Variants in USP2 observed in about 807,000 individuals in gnomAD.
USP2 encodes the protein ubiquitin specific peptidase 2.
Under a neutral mutation model 72.0 loss-of-function variants are expected in USP2, and 33 were observed. That is an observed-to-expected ratio of 0.46 (90% CI 0.35 to 0.61). The LOEUF (loss-of-function observed/expected upper bound fraction) is 0.61, where lower values mean the gene tolerates loss of function less well. Among genes scored for constraint, USP2 ranks in the 20% least tolerant of loss-of-function variants. The pLI is 0.01. For missense variants in USP2, 691 were observed against 797.8 expected, an observed-to-expected ratio of 0.87 and a Z score of 1.61; for synonymous variants, 296 against 312.5, an observed-to-expected ratio of 0.95 and a Z score of 0.56.
At chr11:119,358,098 A>G in intron 8 of USP2, 37 bp from the exon 9 acceptor site, 1 of 1,614,196 alleles carries the variant, frequency 6.2e-7, no homozygotes, top group Non-Finnish European at 8.5e-7. Flanking sequence ...AGAGGTCAAC[A>G]TGAAAGGACA....
At chr11:119,363,719 C>T in intron 2 of USP2, 1 of 644,424 alleles carries the variant, frequency 1.6e-6, no homozygotes, top group Non-Finnish European at 2.3e-6. Flanking sequence ...GCCAGGAGAC[C>T]CTGGGAAAGG....
intron 2 of USP2, among the ~76,000 whole-genome samples, chr11:119,367,195 A>G (rs1019381997): frequency 2.6e-5 from 4 of 152,126 alleles, no homozygotes; most frequent in African/African-American, 7.2e-5. Flanking sequence ...CAAATACACA[A>G]AGCTAAACTG....
In USP2 at chr11:119,381,670, G is replaced by T. The variant is rs1951060678; in HGVS notation, c.-239C>A. On this transcript the variant is annotated 5_prime_UTR_variant, in exon 1 of 13. Coordinates refer to ENST00000260187, the MANE Select transcript of USP2 (RefSeq NM_004205.5). Reference sequence around the variant, plus strand: ...CCCGGGAAATCGGCGCCACCCAGCGGGCAGCCGCCTCATCGCGCCTGGGCC... The same window carrying T: ...CCCGGGAAATCGGCGCCACCCAGCGTGCAGCCGCCTCATCGCGCCTGGGCC... 14 of 969,228 alleles carry T rather than the reference G, an allele frequency of 1.4e-5. No individual in the cohort carries two copies. Among genetic ancestry groups the T allele is most frequent in the Non-Finnish European group, 2.0e-5 (13 of 638,572 alleles). The allele number at this position is 969,228 out of a possible 1,614,324, so 60.0% of individuals were successfully genotyped here.
intron 1 of USP2, among the ~76,000 whole-genome samples, chr11:119,377,481 AAAGTG>A (rs1951016240): frequency 6.6e-6 from 1 of 152,190 alleles, no homozygotes; most frequent in African/African-American, 2.4e-5. Context: ...CAGGTGAATG[AAAGTG>A]AAGCCAGGTG....
intron 6 of USP2, 33 bp downstream of exon 6, chr11:119,358,991 T>C: frequency 6.2e-7 from 1 of 1,610,032 alleles, no homozygotes. Context: ...TCACAAAAGT[T>C]TTGCTTTCCC....
chr11:119,361,764 C>A (rs1460424287), intron 2 of USP2, among the ~76,000 whole-genome samples: 1 of 152,060 alleles, frequency 6.6e-6, no homozygotes, highest in Non-Finnish European at 1.5e-5. Context: ...AGAAAAGAGA[C>A]CCAGTTTAAA....
At chr11:119,377,060 G>T (rs1184063414) in intron 1 of USP2, among the ~76,000 whole-genome samples, 1 of 152,186 alleles carries the variant, frequency 6.6e-6, no homozygotes, top group African/African-American at 2.4e-5. Flanking sequence ...ACTTTCAAAT[G>T]AAGTTTTTAG....
chr11:119,357,864 T>C (rs756166063), intron 9 of USP2, 29 bp from the exon 10 acceptor site: 15 of 1,613,910 alleles, frequency 9.3e-6, no homozygotes, highest in East Asian at 2.2e-5. Flanking sequence ...AGAAAGAACT[T>C]GTGGGGAAGT....
chr11:119,359,704 A>G, intron 3 of USP2, 44 bp from the exon 4 acceptor site: 6 of 1,603,470 alleles, frequency 3.7e-6, no homozygotes, highest in Non-Finnish European at 5.1e-6. Flanking sequence ...CGAGAGTCCC[A>G]CCTTCACCTG....
Position 119,358,250 on chromosome 11 carries a change from G to T in USP2, c.1240C>A (p.Leu414Ile). The change falls in exon 8 of 13, where the codon CTC (leucine) becomes ATC (isoleucine). Residue 414 changes from leucine to isoleucine, a missense_variant and splice_region_variant. Leu to Ile is a conservative substitution (Grantham distance 5). Transcript: ENST00000260187. ...LEREDSRIGD[L>I]FVGQLKSSLT... ...GAGCTCTTTAGCTGCCCAACAAAGA[G>T]ATCTGGGGAAGAGAAGGCCATGAGA... 1 of 1,612,968 alleles carries T rather than the reference G, an allele frequency of 6.2e-7. No individual in the cohort carries two copies. The highest frequency in any genetic ancestry group is 8.5e-7 in the Non-Finnish European group (1 of 1,179,970).
rs540483562 is a variant in USP2 at position 119,364,122 on chromosome 11, G to A, written c.775-3888C>T. 2,704 of 1,223,338 alleles carry A rather than the reference G, an allele frequency of 2.2e-3. 62 individuals are homozygous for A. The African/African-American group carries it at 0.038, about 17-fold the overall frequency. The allele number at this position is 1,223,338 out of a possible 1,614,324, so 75.8% of individuals were successfully genotyped here. A position where few individuals can be genotyped will look rare whatever the true frequency, so the allele number is the denominator to read the frequency against. On this transcript the variant is annotated intron_variant, in intron 2 of 12. Transcript: ENST00000260187. Reference sequence around the variant, plus strand: ...GAGACCGCTACAGGACAGCGTCCGCGGCGCCCGAACGCGCGCTCCTCCGCC... The same window carrying A: ...GAGACCGCTACAGGACAGCGTCCGCAGCGCCCGAACGCGCGCTCCTCCGCC...
intron 2 of USP2, among the ~76,000 whole-genome samples, chr11:119,363,281 G>A (rs1169773799): frequency 4.6e-5 from 7 of 152,258 alleles, no homozygotes; most frequent in Admixed American, 4.6e-4. Flanking sequence ...CTTCCGCGGA[G>A]GGACCCGCTG....
rs767743764 is a variant in USP2 at position 119,359,583 on chromosome 11, C to A, written c.903G>T (p.Met301Ile). 6.2e-7 allele frequency: 1 copy of A among 1,614,006 alleles called. No individual in the cohort carries two copies. The highest frequency in any genetic ancestry group is 8.5e-7 in the Non-Finnish European group (1 of 1,180,012). The change falls in exon 4 of 13, where the codon ATG becomes ATT. Residue 301 changes from methionine (M) to isoleucine (I), a missense_variant. Met to Ile is a conservative substitution (Grantham distance 10, BLOSUM62 1). Transcript: ENST00000260187. ...CATTGCTGCCGTGGTGCAGGTCCCG[C>A]ATGTAGAGCCTCTGGAGGCAGTAAT... ...LRDYCLQRLY[M>I]RDLHHGSNAH...
intron 1 of USP2, among the ~76,000 whole-genome samples, chr11:119,380,055 C>T (rs111631514): frequency 0.017 from 2,526 of 151,838 alleles, 66 homozygotes; most frequent in African/African-American, 0.058. Context: ...GCTGGGACTA[C>T]AGGCTCCCGC....
chr11:119,381,343 C>G (rs1951056088), intron 1 of USP2, 130 bp downstream of exon 1: 1 of 1,049,064 alleles, frequency 9.5e-7, no homozygotes, highest in East Asian at 2.6e-5. Flanking sequence ...CGTCCCTGCA[C>G]AGCCGGCTCT....
Position 119,357,181 on chromosome 11 carries a change from T to C in USP2, c.1730+6A>G, listed in dbSNP as rs761874380. ...CCAGGGGCTCCGGCCCTGCCCTGGC[T>C]CTCACCTGGAGTCGTTGAAAGTGTG... is the stretch of plus-strand genomic sequence containing the variant. On this transcript the variant is annotated splice_donor_region_variant and intron_variant, in intron 12 of 12. Transcript: ENST00000260187. 1 of 1,613,032 alleles carries C rather than the reference T, an allele frequency of 6.2e-7. No individual in the cohort carries two copies.
At position 119,360,185 on chromosome 11, in the gene USP2, G is replaced by T; in HGVS notation, c.824C>A (p.Thr275Lys). 1 of 1,613,616 alleles carries T rather than the reference G, an allele frequency of 6.2e-7. No homozygotes were observed. The highest frequency in any genetic ancestry group is 8.5e-7 in the Non-Finnish European group (1 of 1,179,908). Residue 275 changes from threonine to lysine, a missense_variant and splice_region_variant, in exon 3 of 13, where the codon ACG becomes AAG. Transcript: ENST00000260187. ...AGAAGCAGGCCAGGAAAAACTCACC[G>T]TGTTCCCAAGGTTTCGAAGACCAGC... ...GLAGLRNLGN[T>K]CFMNSILQCL... is the part of the protein sequence containing the mutation.
At chr11:119,370,004 C>T (rs961657930) in intron 2 of USP2, among the ~76,000 whole-genome samples, 7 of 152,076 alleles carry the variant, frequency 4.6e-5, no homozygotes, top group Middle Eastern at 3.2e-3. Flanking sequence ...GGTGAAACCC[C>T]GTCTCTACTA....
intron 1 of USP2, among the ~76,000 whole-genome samples, chr11:119,374,270 A>G (rs1247742565): frequency 6.6e-6 from 1 of 152,186 alleles, no homozygotes; most frequent in African/African-American, 2.4e-5. Flanking sequence ...GAGTTCCTCT[A>G]CCAACACAGG....
Sources: allele counts gnomAD v4.1 joint callset (sites outside exome capture counted in the v4.1 genomes callset), GRCh38; gene constraint gnomAD v4.1.1; transcripts MANE v1.5; gene names NCBI Gene and HGNC (gene_info 2026-07-23, HGNC 2026-07-21).